The following SGF29 variants were observed in gnomAD, a reference collection of about 807,000 sequenced individuals.
SGF29 encodes the protein SAGA-associated factor 29.
Under a neutral mutation model 38.1 loss-of-function variants are expected in SGF29, and 15 were observed. That is an observed-to-expected ratio of 0.39 (90% CI 0.26 to 0.61). The LOEUF (loss-of-function observed/expected upper bound fraction) is 0.61. Ranked by LOEUF, SGF29 falls within the 20% of genes least tolerant of loss-of-function variation. The pLI is 0.49. For missense variants in SGF29, 184 were observed against 394.6 expected, an observed-to-expected ratio of 0.47 and a Z score of 4.52; for synonymous variants, 151 against 160.8, an observed-to-expected ratio of 0.94 and a Z score of 0.46.
intron 1 of SGF29, among the ~76,000 whole-genome samples, chr16:28,571,507 C>T (rs1298357615): frequency 6.6e-6 from 1 of 150,796 alleles, no homozygotes; most frequent in African/African-American, 2.4e-5. Flanking sequence ...GCAGGAGAAT[C>T]GCTTGAACCA....
intron 1 of SGF29, among the ~76,000 whole-genome samples, chr16:28,562,299 T>G (rs960946545): frequency 2.0e-5 from 3 of 152,166 alleles, no homozygotes; most frequent in African/African-American, 7.2e-5. Flanking sequence ...TGTTTTAATT[T>G]TATTGAGACC....
intron 1 of SGF29, among the ~76,000 whole-genome samples, chr16:28,564,583 ATATATATACACACATATATGTG>A (rs1567285677): frequency 2.3e-4 from 30 of 129,706 alleles, no homozygotes; most frequent in Middle Eastern, 3.9e-3. Context: ...ATATACACGT[ATATATATACACACATATATGTG>A]TATATATATA....
At chr16:28,564,373 G>T (rs1222018388) in intron 1 of SGF29, among the ~76,000 whole-genome samples, 3 of 151,340 alleles carry the variant, frequency 2.0e-5, no homozygotes, top group Admixed American at 6.6e-5. Flanking sequence ...CTTAGAGAAT[G>T]AGAAGAGGAT....
chr16:28,562,807 G>T (rs1449539384), intron 1 of SGF29, among the ~76,000 whole-genome samples: 1 of 151,464 alleles, frequency 6.6e-6, no homozygotes, highest in African/African-American at 2.4e-5. Flanking sequence ...GGGAGGCTGA[G>T]GTGGGAGGAT....
chr16:28,568,713 G>C (rs2046848083), intron 1 of SGF29, among the ~76,000 whole-genome samples: 1 of 152,096 alleles, frequency 6.6e-6, no homozygotes, highest in African/African-American at 2.4e-5. Context: ...AAGAGATCGA[G>C]ACCATCCTGG....
At chr16:28,554,235 G>A (rs1295319237) in intron 1 of SGF29, 138 bp downstream of exon 1, 1 of 151,834 alleles carries the variant, frequency 6.6e-6, no homozygotes, top group South Asian at 2.1e-4. Context: ...TGGGCGGGAG[G>A]GGGGCGGGGC....
At chr16:28,586,790 C>T (rs1344113185) in intron 4 of SGF29, among the ~76,000 whole-genome samples, 1 of 152,126 alleles carries the variant, frequency 6.6e-6, no homozygotes, top group Non-Finnish European at 1.5e-5. Flanking sequence ...CTGTCTGTGC[C>T]ATTGGTTAAA....
chr16:28,563,933 G>A (rs564259690), intron 1 of SGF29, among the ~76,000 whole-genome samples: 1 of 152,214 alleles, frequency 6.6e-6, no homozygotes, highest in South Asian at 2.1e-4. Flanking sequence ...TTTTAGTAGA[G>A]ACAGGGTTTT....
chr16:28,588,968 GCTACTGTGAGAACCT>G, intron 4 of SGF29, 117 bp from the exon 5 acceptor site: 1 of 875,628 alleles, frequency 1.1e-6, no homozygotes, highest in Non-Finnish European at 1.9e-6. Flanking sequence ...TGCGCAGGAG[GCTACTGTGAGAACCT>G]CTGGAGTCCG....
intron 1 of SGF29, among the ~76,000 whole-genome samples, chr16:28,577,536 T>C (rs1029442958): frequency 3.9e-5 from 6 of 152,246 alleles, no homozygotes; most frequent in Non-Finnish European, 8.8e-5. Flanking sequence ...GGTTCATCCA[T>C]GTCATAGCGT....
intron 1 of SGF29, among the ~76,000 whole-genome samples, chr16:28,559,732 G>C (rs966476785): frequency 6.6e-6 from 1 of 152,128 alleles, no homozygotes; most frequent in Non-Finnish European, 1.5e-5. Context: ...CAAACATGGG[G>C]CATATTCCAA....
chr16:28,567,642 A>G (rs974644430), intron 1 of SGF29, among the ~76,000 whole-genome samples: 1 of 152,236 alleles, frequency 6.6e-6, no homozygotes, highest in African/African-American at 2.4e-5. Context: ...TGGTAAGGGC[A>G]CAGGAGGAGA....
intron 1 of SGF29, among the ~76,000 whole-genome samples, chr16:28,565,857 A>C (rs912822737): frequency 5.9e-5 from 9 of 152,154 alleles, no homozygotes; most frequent in African/African-American, 2.2e-4. Flanking sequence ...CCAGTGTGCC[A>C]GGCTCTCTGC....
chr16:28,591,415 A>G (rs1318919684), intron 9 of SGF29, among the ~76,000 whole-genome samples, 175 bp from the exon 10 acceptor site: 1 of 152,134 alleles, frequency 6.6e-6, no homozygotes, highest in African/African-American at 2.4e-5. Context: ...CCACTGAGAA[A>G]AGAGCTCTGT....
At chr16:28,581,176 G>A in intron 2 of SGF29, 32 bp downstream of exon 2, 1 of 1,599,056 alleles carries the variant, frequency 6.3e-7, no homozygotes, top group Non-Finnish European at 8.6e-7. Flanking sequence ...TTCCCAGATG[G>A]GAACATGGGC....
At chr16:28,561,937 G>A (rs2046792773) in intron 1 of SGF29, among the ~76,000 whole-genome samples, 1 of 152,184 alleles carries the variant, frequency 6.6e-6, no homozygotes, top group African/African-American at 2.4e-5. Context: ...CTTAGAACAT[G>A]TTTCCTGGGG....
chr16:28,591,055 G>A, intron 9 of SGF29, 120 bp downstream of exon 9: 1 of 1,261,832 alleles, frequency 7.9e-7, no homozygotes, highest in Non-Finnish European at 1.1e-6. Flanking sequence ...CAAGCTGACA[G>A]GACCCACCAG....
At chr16:28,568,413 G>A (rs906474589) in intron 1 of SGF29, among the ~76,000 whole-genome samples, 2 of 151,682 alleles carry the variant, frequency 1.3e-5, no homozygotes, top group African/African-American at 4.8e-5. Flanking sequence ...TTGAACTATA[G>A]GATATGAGAA....
At chr16:28,555,392 C>G (rs1197306381) in intron 1 of SGF29, among the ~76,000 whole-genome samples, 1 of 152,152 alleles carries the variant, frequency 6.6e-6, no homozygotes, top group Non-Finnish European at 1.5e-5. Context: ...ACAATAATCA[C>G]TTAAACCCAG....
Sources: allele counts gnomAD v4.1 joint callset (sites outside exome capture counted in the v4.1 genomes callset), GRCh38; gene constraint gnomAD v4.1.1; transcripts MANE v1.5; gene names NCBI Gene and HGNC (gene_info 2026-07-23, HGNC 2026-07-21).